Variants in CDKAL1 observed in about 807,000 individuals in gnomAD.
The protein encoded by CDKAL1 is threonylcarbamoyladenosine tRNA methylthiotransferase.
A neutral mutation model predicts 68.2 loss-of-function variants in CDKAL1; 32 were observed. That is an observed-to-expected ratio of 0.47 (90% confidence interval 0.35 to 0.63). CDKAL1 has a LOEUF of 0.63. Among genes scored for constraint, CDKAL1 ranks in the 30% least tolerant of loss-of-function variants. The pLI is 0.00. For synonymous variants in CDKAL1, 234 were observed against 244.3 expected (o/e 0.96, Z 0.39); for missense variants, 606 against 696.7 (o/e 0.87, Z 1.47).
chr6:20,969,003 G>A (rs1223632009), intron 10 of CDKAL1, among the ~76,000 whole-genome samples: 14 of 151,958 alleles, frequency 9.2e-5, no homozygotes. Context: ...TATGATTTTT[G>A]TTATTGAATA....
chr6:21,092,330 G>A (rs1773078843), intron 12 of CDKAL1, among the ~76,000 whole-genome samples: 1 of 150,868 alleles, frequency 6.6e-6, no homozygotes, highest in Admixed American at 6.6e-5. Flanking sequence ...CATGTGCCAT[G>A]GTGGTTTGCT....
intron 8 of CDKAL1, among the ~76,000 whole-genome samples, chr6:20,838,061 C>T (rs1450437658): frequency 2.7e-5 from 4 of 148,396 alleles, no homozygotes; most frequent in African/African-American, 9.9e-5. Context: ...TATATGTATA[C>T]ATCCATTTTT....
intron 4 of CDKAL1, among the ~76,000 whole-genome samples, chr6:20,634,940 G>T (rs1172549831): frequency 1.5e-5 from 2 of 135,464 alleles, no homozygotes; most frequent in Non-Finnish European, 3.1e-5. Flanking sequence ...CTGCACCATT[G>T]TACTCCAGTC....
At chr6:21,153,890 A>G (rs908035341) in intron 13 of CDKAL1, among the ~76,000 whole-genome samples, 1 of 152,210 alleles carries the variant, frequency 6.6e-6, no homozygotes, top group Non-Finnish European at 1.5e-5. Flanking sequence ...TGAGAAGGAC[A>G]CTGGACTTTT....
chr6:20,638,532 T>TG (rs1294035056), intron 4 of CDKAL1, among the ~76,000 whole-genome samples: 32 of 152,194 alleles, frequency 2.1e-4, no homozygotes, highest in Non-Finnish European at 4.0e-4. Context: ...TGAAGGGCCC[T>TG]GGAAAGTCCA....
intron 4 of CDKAL1, among the ~76,000 whole-genome samples, chr6:20,605,756 C>T (rs988229186): frequency 6.6e-6 from 1 of 152,150 alleles, no homozygotes; most frequent in Admixed American, 6.6e-5. Context: ...GTGAAATTTT[C>T]ATGACTGGCT....
chr6:20,884,589 C>T (rs1581761001), intron 9 of CDKAL1, among the ~76,000 whole-genome samples: 1 of 152,080 alleles, frequency 6.6e-6, no homozygotes, highest in Admixed American at 6.6e-5. Flanking sequence ...TAATATGATC[C>T]TAAATATAGA....
At chr6:20,968,631 T>C (rs1765445865) in intron 10 of CDKAL1, among the ~76,000 whole-genome samples, 1 of 152,132 alleles carries the variant, frequency 6.6e-6, no homozygotes, top group Admixed American at 6.5e-5. Flanking sequence ...GTCATCTGAA[T>C]TGACCTGTCT....
chr6:20,619,665 C>T (rs1767088383), intron 4 of CDKAL1, among the ~76,000 whole-genome samples: 1 of 152,140 alleles, frequency 6.6e-6, no homozygotes, highest in Non-Finnish European at 1.5e-5. Context: ...GAACAAATTT[C>T]AACCCCTTAA....
At chr6:21,172,669 A>C (rs574109084) in intron 13 of CDKAL1, among the ~76,000 whole-genome samples, 5 of 152,272 alleles carry the variant, frequency 3.3e-5, no homozygotes, top group Middle Eastern at 3.4e-3. Context: ...AGGGGGGAGG[A>C]TCGCTTCAGC....
intron 9 of CDKAL1, among the ~76,000 whole-genome samples, chr6:20,894,878 TG>T (rs1373895100): frequency 1.3e-5 from 2 of 152,076 alleles, no homozygotes; most frequent in African/African-American, 4.8e-5. Context: ...TAACTGATAC[TG>T]GTGAATTTTC....
At chr6:20,605,428 A>G (rs368340379) in intron 4 of CDKAL1, among the ~76,000 whole-genome samples, 1 of 152,188 alleles carries the variant, frequency 6.6e-6, no homozygotes, top group Admixed American at 6.5e-5. Flanking sequence ...TGATTTATCT[A>G]TTCTAACATC....
At chr6:21,178,589 T>C (rs1483030708) in intron 13 of CDKAL1, among the ~76,000 whole-genome samples, 4 of 152,198 alleles carry the variant, frequency 2.6e-5, no homozygotes, top group African/African-American at 9.7e-5. Context: ...AAGGTGATCT[T>C]GTTAAAAGTC....
chr6:20,563,809 A>G (rs1427941955), intron 4 of CDKAL1, among the ~76,000 whole-genome samples: 3 of 152,218 alleles, frequency 2.0e-5, no homozygotes, highest in Non-Finnish European at 4.4e-5. Context: ...AATTATACAA[A>G]AAATACTAAA....
rs1164096024 is a variant in CDKAL1, at chr6:20,539,446, A to G, written c.-6+4052A>G. Among the ~76,000 whole-genome samples the G allele has an allele frequency of 6.6e-6, 1 of 152,182 alleles. No homozygotes were observed. Among genetic ancestry groups the G allele is most frequent in the African/African-American group, 2.4e-5 (1 of 41,442 alleles). ...CATTTTAAGCAGATGATTAAATGCT[A>G]CAGTTTAAAAAAAGGCAGGAAAGGG... On this transcript the variant is annotated intron_variant, in intron 2 of 15. Transcript: ENST00000274695. This position sits in a 1 kb window ranked among gnomAD's most constrained non-coding sequence, Gnocchi z 4.3.
At chr6:21,182,285 G>A (rs1475593379) in intron 13 of CDKAL1, among the ~76,000 whole-genome samples, 1 of 152,122 alleles carries the variant, frequency 6.6e-6, no homozygotes, top group East Asian at 1.9e-4. Context: ...TTTTCAAAAG[G>A]TTTCAGTGCT....
At chr6:21,092,063 T>C (rs1409966934) in intron 12 of CDKAL1, among the ~76,000 whole-genome samples, 2 of 151,294 alleles carry the variant, frequency 1.3e-5, no homozygotes, top group African/African-American at 2.4e-5. Flanking sequence ...ATTTTTTGTA[T>C]TTTTAGTAGA....
At chr6:20,601,047 T>C (rs190453992) in intron 4 of CDKAL1, among the ~76,000 whole-genome samples, 216 of 152,158 alleles carry the variant, frequency 1.4e-3, no homozygotes, top group Non-Finnish European at 2.7e-3. Flanking sequence ...CCTGAGGGAA[T>C]TGGCAGTTTC....
chr6:20,537,402 T>C (rs1208260864), intron 2 of CDKAL1, among the ~76,000 whole-genome samples: 1 of 151,568 alleles, frequency 6.6e-6, no homozygotes, highest in Non-Finnish European at 1.5e-5. Flanking sequence ...AGGTTGGGAG[T>C]TCAAGACCAG....
Sources: allele counts gnomAD v4.1 joint callset (sites outside exome capture counted in the v4.1 genomes callset), GRCh38; gene constraint gnomAD v4.1.1; non-coding constraint Gnocchi (gnomAD v3.1); transcripts MANE v1.5; gene names NCBI Gene and HGNC (gene_info 2026-07-23, HGNC 2026-07-21).